Variants in FHIT observed in about 807,000 individuals in gnomAD.
FHIT encodes bis(5'-adenosyl)-triphosphatase.
FHIT carries 19 observed loss-of-function variants against 17.9 expected under a neutral mutation model. The ratio of observed to expected loss-of-function variants is 1.06; its 90% CI spans 0.74 to 1.56. The LOEUF is 1.56. Ranked by LOEUF, FHIT falls within the 40% of genes most tolerant of loss-of-function variation. The probability of loss-of-function intolerance (pLI) is 0.00; values close to 1 mark genes in which losing one functional copy is unlikely to be tolerated. For missense variants in FHIT, 248 were observed against 189.2 expected, an observed-to-expected ratio of 1.31 and a Z score of -1.82; for synonymous variants, 81 against 69.7, an observed-to-expected ratio of 1.16 and a Z score of -0.81.
chr3:61,226,604 G>C (rs2039976153), intron 1 of FHIT, among the ~76,000 whole-genome samples: 2 of 151,504 alleles, frequency 1.3e-5, no homozygotes, highest in Non-Finnish European at 2.9e-5. Flanking sequence ...TCAAATACAT[G>C]GTCACTTTAA....
At chr3:60,386,263 G>T (rs1701007660) in intron 5 of FHIT, among the ~76,000 whole-genome samples, 1 of 152,038 alleles carries the variant, frequency 6.6e-6, no homozygotes, top group African/African-American at 2.4e-5. Context: ...TACAGCGAGG[G>T]TCTTAAGCCA....
At chr3:60,608,420 G>A (rs1311587891) in intron 4 of FHIT, among the ~76,000 whole-genome samples, 1 of 152,122 alleles carries the variant, frequency 6.6e-6, no homozygotes, top group East Asian at 1.9e-4. Context: ...GAAGAGAAAT[G>A]GATCAACTGC....
chr3:61,101,459 G>C (rs950897707), intron 2 of FHIT, among the ~76,000 whole-genome samples: 9 of 152,164 alleles, frequency 5.9e-5, no homozygotes, highest in African/African-American at 2.2e-4. Context: ...TTTGGTTACT[G>C]CAGTCTTGTA....
At chr3:60,011,317 A>C in intron 7 of FHIT, 54 bp downstream of exon 7, 1 of 1,550,062 alleles carries the variant, frequency 6.5e-7, no homozygotes, top group Non-Finnish European at 8.9e-7. Flanking sequence ...GTGATTTTTT[A>C]TTAGTTCTCA....
chr3:61,132,130 TG>T (rs2036781660), intron 2 of FHIT, among the ~76,000 whole-genome samples: 1 of 152,230 alleles, frequency 6.6e-6, no homozygotes, highest in Non-Finnish European at 1.5e-5. Context: ...AAGCTGAGTA[TG>T]GAGGCCAGGA....
At chr3:60,488,836 A>C (rs1229400888) in intron 5 of FHIT, among the ~76,000 whole-genome samples, 2 of 152,238 alleles carry the variant, frequency 1.3e-5, no homozygotes, top group African/African-American at 4.8e-5. Context: ...CAGAAGGAAA[A>C]TCAAGATAAA....
At chr3:61,046,793 C>A (rs1273111188) in intron 2 of FHIT, among the ~76,000 whole-genome samples, 2 of 152,174 alleles carry the variant, frequency 1.3e-5, no homozygotes, top group Non-Finnish European at 1.5e-5. Flanking sequence ...GCTTATCCAC[C>A]ACGATCAAGT....
chr3:60,591,625 G>A (rs1266691275), intron 4 of FHIT, among the ~76,000 whole-genome samples: 2 of 152,030 alleles, frequency 1.3e-5, no homozygotes, highest in Admixed American at 6.6e-5. Context: ...CCCTCCCCAT[G>A]TCGTGGAAGA....
At chr3:61,052,438 TTG>T (rs1287888501) in intron 2 of FHIT, among the ~76,000 whole-genome samples, 1 of 152,194 alleles carries the variant, frequency 6.6e-6, no homozygotes, top group Non-Finnish European at 1.5e-5. Flanking sequence ...TGCTTGCGGC[TTG>T]TGTTTTTCAC....
intron 5 of FHIT, among the ~76,000 whole-genome samples, chr3:60,457,269 T>C (rs2032162494): frequency 6.6e-6 from 1 of 151,860 alleles, no homozygotes; most frequent in Admixed American, 6.6e-5. Flanking sequence ...CCCTCAGAAA[T>C]AATGTCACAT....
chr3:60,954,709 G>A (rs1709036429), intron 3 of FHIT, among the ~76,000 whole-genome samples: 1 of 152,174 alleles, frequency 6.6e-6, no homozygotes, highest in South Asian at 2.1e-4. Flanking sequence ...GAGGTTAGCT[G>A]CAAATTGGAT....
At chr3:61,226,154 T>C (rs76102210) in intron 1 of FHIT, among the ~76,000 whole-genome samples, 1,540 of 152,260 alleles carry the variant, frequency 0.01, 24 homozygotes, top group African/African-American at 0.035. Context: ...TCCCATGGGA[T>C]GTGCCTCCAA....
At chr3:60,045,484 C>G (rs1337129380) in intron 5 of FHIT, among the ~76,000 whole-genome samples, 2 of 152,122 alleles carry the variant, frequency 1.3e-5, no homozygotes, top group African/African-American at 4.8e-5. Context: ...TGGGAAAGAC[C>G]TGCCCCCATG....
intron 8 of FHIT, among the ~76,000 whole-genome samples, chr3:59,901,442 A>T (rs935315622): frequency 6.6e-6 from 1 of 152,228 alleles, no homozygotes; most frequent in Admixed American, 6.5e-5. Flanking sequence ...AACACAAAAA[A>T]TCCAACTTAT....
intron 5 of FHIT, among the ~76,000 whole-genome samples, chr3:60,218,740 G>C (rs1703815163): frequency 6.6e-6 from 1 of 151,978 alleles, no homozygotes; most frequent in South Asian, 2.1e-4. Flanking sequence ...TTAGAAATCA[G>C]CCTTAGTTAC....
chr3:59,959,626 G>C (rs1024057146), intron 7 of FHIT, among the ~76,000 whole-genome samples: 2 of 152,166 alleles, frequency 1.3e-5, no homozygotes, highest in Non-Finnish European at 2.9e-5. Flanking sequence ...TGTGTCAACA[G>C]ATATTTACCA....
At position 60,950,182 on chromosome 3, in the gene FHIT, C is replaced by T. The variant is rs558496631; in HGVS notation, c.-111+91865G>A. Among the ~76,000 whole-genome samples the T allele has an allele frequency of 5.8e-4, 88 of 152,190 alleles. No individual in the cohort carries two copies. In the South Asian group the frequency reaches 5.8e-3, roughly 10 times the overall value. ...ACAAGAGTATGAAATTGTCTAATGACACAGTTTTCATTAAGTGAGGCATGA... is the reference window on the plus strand; with the variant it reads ...ACAAGAGTATGAAATTGTCTAATGATACAGTTTTCATTAAGTGAGGCATGA... On this transcript the variant is annotated intron_variant, in intron 3 of 9. Coordinates refer to ENST00000492590, the MANE Select transcript of FHIT (RefSeq NM_002012.4).
At chr3:60,551,379 G>A (rs558895898) in intron 4 of FHIT, among the ~76,000 whole-genome samples, 99 of 141,996 alleles carry the variant, frequency 7.0e-4, no homozygotes, top group African/African-American at 2.5e-3. Context: ...CCTCTCATTT[G>A]GGAGACCAAA....
chr3:61,029,879 G>T (rs556105079), intron 3 of FHIT, among the ~76,000 whole-genome samples: 2 of 152,300 alleles, frequency 1.3e-5, no homozygotes, highest in African/African-American at 4.8e-5. Flanking sequence ...GCCTTGCTAT[G>T]AAAAGTGTAA....
Sources: allele counts gnomAD v4.1 joint callset (sites outside exome capture counted in the v4.1 genomes callset), GRCh38; gene constraint gnomAD v4.1.1; transcripts MANE v1.5; gene names NCBI Gene and HGNC (gene_info 2026-07-23, HGNC 2026-07-21).